Variants in PTPRD observed in about 807,000 individuals in gnomAD.
PTPRD encodes the protein protein tyrosine phosphatase receptor type D.
A neutral mutation model predicts 214.5 loss-of-function variants in PTPRD; 34 were observed. The ratio of observed to expected loss-of-function variants is 0.16; its 90% CI spans 0.12 to 0.21. The LOEUF is 0.21. Ranked by LOEUF, PTPRD falls within the 10% of genes least tolerant of loss-of-function variation. The pLI is 1.00. For synonymous variants in PTPRD, 1,128 were observed against 845.7 expected, an observed-to-expected ratio of 1.33 and a Z score of -5.79; for missense variants, 2,545 against 2,398.7, an observed-to-expected ratio of 1.06 and a Z score of -1.27.
chr9:8,557,455 T>TATATATAC lies in PTPRD; in HGVS notation c.353-28677_353-28676insGTATATAT. Among the ~76,000 whole-genome samples the TATATATAC allele has an allele frequency of 1.1e-3, 145 of 135,566 alleles. 19 individuals are homozygous for TATATATAC. The highest frequency in any genetic ancestry group is 4.9e-3 in the African/African-American group (140 of 28,734). The allele number at this position is 135,566 out of a possible 152,430, so 88.9% of individuals were successfully genotyped here. A position where few individuals can be genotyped will look rare whatever the true frequency, so the allele number is the denominator to read the frequency against. ...AAATACATATATATATATATATATA[T>TATATATAC]ATTTGGGCCGGGCGCGGTGGCTCAT... On this transcript the variant is annotated intron_variant, in intron 14 of 45. Transcript: ENST00000381196.
chr9:10,404,208 A>C (rs796767315), intron 2 of PTPRD, among the ~76,000 whole-genome samples: 8 of 151,956 alleles, frequency 5.3e-5, no homozygotes, highest in African/African-American at 1.9e-4. Flanking sequence ...ACAAACAAAC[A>C]AATGCAGAGC....
intron 8 of PTPRD, among the ~76,000 whole-genome samples, chr9:9,514,722 C>T (rs149281146): frequency 6.6e-6 from 1 of 152,050 alleles, no homozygotes; most frequent in East Asian, 1.9e-4. Flanking sequence ...CAGTGCCTTA[C>T]TGGTAAGTTT....
chr9:8,571,401 T>C (rs1266941771), intron 14 of PTPRD, among the ~76,000 whole-genome samples: 3 of 152,078 alleles, frequency 2.0e-5, no homozygotes, highest in African/African-American at 7.2e-5. Flanking sequence ...AAATTTAAAA[T>C]AATAACAAAA....
chr9:9,895,624 A>G (rs1228516875), intron 5 of PTPRD, among the ~76,000 whole-genome samples: 1 of 152,102 alleles, frequency 6.6e-6, no homozygotes, highest in Non-Finnish European at 1.5e-5. Flanking sequence ...ATGATGGTCA[A>G]ATATATTTAC....
At chr9:8,461,411 T>C (rs770163019) in intron 32 of PTPRD, among the ~76,000 whole-genome samples, 121 of 152,188 alleles carry the variant, frequency 8.0e-4, no homozygotes, top group Non-Finnish European at 5.7e-4. Flanking sequence ...GATTTTTATT[T>C]CTATGATATC....
intron 3 of PTPRD, among the ~76,000 whole-genome samples, chr9:10,098,853 T>C (rs1238997412): frequency 6.6e-6 from 1 of 151,778 alleles, no homozygotes; most frequent in Non-Finnish European, 1.5e-5. Flanking sequence ...ACTCTGTTCA[T>C]ATGATTAAAG....
At chr9:9,063,482 T>C (rs1193373665) in intron 10 of PTPRD, among the ~76,000 whole-genome samples, 1 of 152,180 alleles carries the variant, frequency 6.6e-6, no homozygotes, top group African/African-American at 2.4e-5. Context: ...TGTTTCCAAG[T>C]ACTGTAGTAT....
intron 11 of PTPRD, among the ~76,000 whole-genome samples, chr9:8,747,779 T>C (rs1008839538): frequency 1.3e-5 from 2 of 152,180 alleles, no homozygotes; most frequent in African/African-American, 4.8e-5. Flanking sequence ...TAGGCATTGA[T>C]AGCACCCATC....
intron 32 of PTPRD, among the ~76,000 whole-genome samples, chr9:8,463,693 G>T (rs979279455): frequency 5.3e-5 from 8 of 151,952 alleles, no homozygotes; most frequent in African/African-American, 2.4e-5. Context: ...GGCAATAAGA[G>T]ATTAAATTTT....
chr9:10,040,333 A>C (rs942667221), intron 3 of PTPRD, among the ~76,000 whole-genome samples: 1 of 152,054 alleles, frequency 6.6e-6, no homozygotes. Flanking sequence ...GCCATCCAGC[A>C]CATTCAACAA....
At chr9:9,009,377 C>G (rs1034102382) in intron 11 of PTPRD, among the ~76,000 whole-genome samples, 2 of 152,000 alleles carry the variant, frequency 1.3e-5, no homozygotes, top group Non-Finnish European at 2.9e-5. Context: ...AAGGTAGTGT[C>G]TAAAGGCTCC....
intron 5 of PTPRD, among the ~76,000 whole-genome samples, chr9:9,807,109 T>A (rs2045698557): frequency 6.6e-6 from 1 of 152,158 alleles, no homozygotes; most frequent in South Asian, 2.1e-4. Flanking sequence ...TAAAATCTTT[T>A]AATAAACTTT....
At chr9:8,919,303 G>A (rs1017459273) in intron 11 of PTPRD, among the ~76,000 whole-genome samples, 1 of 150,536 alleles carries the variant, frequency 6.6e-6, no homozygotes, top group Non-Finnish European at 1.5e-5. Flanking sequence ...TGAGGCAGGA[G>A]AATCGCTTGA....
intron 12 of PTPRD, among the ~76,000 whole-genome samples, chr9:8,656,076 G>GA (rs953014569): frequency 3.9e-5 from 6 of 151,946 alleles, no homozygotes; most frequent in Admixed American, 2.0e-4. Flanking sequence ...AGCCTTTTAT[G>GA]AAAAAAACAT....
rs34776407 is a variant in PTPRD at position 8,894,355 on chromosome 9, C to CAA, written c.-104+124340_-104+124341dup. 1.9e-3 allele frequency among the ~76,000 whole-genome samples: 138 copies of CAA among 74,408 alleles called. 1 individual carries two copies. The highest frequency in any genetic ancestry group is 5.7e-3 in the East Asian group (18 of 3,172). 48.8% of individuals were successfully genotyped at this position (74,408 alleles called of 152,430 possible). A position where few individuals can be genotyped will look rare whatever the true frequency, so the allele number is the denominator to read the frequency against. On this transcript the variant is annotated intron_variant, in intron 11 of 45. Transcript: ENST00000381196. ...GGGCAACAAGAGTGAGACTCCATCT[C>CAA]AAAAAAAAAAAAAAAAAAAAGTCTG...
chr9:9,768,238 T>C (rs1187640279), intron 5 of PTPRD, among the ~76,000 whole-genome samples: 1 of 152,168 alleles, frequency 6.6e-6, no homozygotes, highest in Non-Finnish European at 1.5e-5. Flanking sequence ...TCTCTGAGAC[T>C]TGAATTTTCA....
intron 8 of PTPRD, among the ~76,000 whole-genome samples, chr9:9,462,904 A>G (rs975426575): frequency 6.6e-6 from 1 of 152,162 alleles, no homozygotes; most frequent in Non-Finnish European, 1.5e-5. Context: ...ACAAAAAATG[A>G]AAGAATCATC....
intron 36 of PTPRD, among the ~76,000 whole-genome samples, chr9:8,395,596 G>A (rs1434478837): frequency 1.3e-5 from 2 of 152,034 alleles, no homozygotes. Context: ...CCCTGGTATA[G>A]CTGCAGTCTT....
intron 10 of PTPRD, among the ~76,000 whole-genome samples, chr9:9,141,676 GATATAA>G (rs1031422154): frequency 6.6e-6 from 1 of 150,586 alleles, no homozygotes; most frequent in African/African-American, 2.4e-5. Context: ...TAAAAAATCT[GATATAA>G]ATATAGATTT....
Sources: allele counts gnomAD v4.1 joint callset (sites outside exome capture counted in the v4.1 genomes callset), GRCh38; gene constraint gnomAD v4.1.1; transcripts MANE v1.5; gene names NCBI Gene and HGNC (gene_info 2026-07-23, HGNC 2026-07-21).